The following SLC13A3 variants were observed in gnomAD, a reference collection of about 807,000 sequenced individuals.
SLC13A3 encodes Na(+)/dicarboxylate cotransporter 3.
In SLC13A3, 40 loss-of-function variants were observed where a neutral mutation model predicts 59.0. The ratio of observed to expected loss-of-function variants is 0.68; its 90% CI spans 0.53 to 0.88. The LOEUF is 0.88. SLC13A3 is among the 40% of genes least tolerant of loss of function. The pLI is 0.00. For missense variants in SLC13A3, 699 were observed against 783.2 expected, an observed-to-expected ratio of 0.89 and a Z score of 1.28; for synonymous variants, 317 against 330.3, an observed-to-expected ratio of 0.96 and a Z score of 0.44.
intron 1 of SLC13A3, among the ~76,000 whole-genome samples, chr20:46,624,815 G>T (rs535482984): frequency 6.6e-6 from 1 of 152,282 alleles, no homozygotes; most frequent in South Asian, 2.1e-4. Context: ...TCTGAAGTGA[G>T]AATTTCAGCC....
chr20:46,657,513 T>C (rs2063002600), intron 1 of SLC13A3, among the ~76,000 whole-genome samples: 1 of 152,174 alleles, frequency 6.6e-6, no homozygotes, highest in South Asian at 2.1e-4. Context: ...CTTCTTTCAG[T>C]GCTCTTGCAA....
At chr20:46,634,869 C>G (rs1316594318) in intron 1 of SLC13A3, among the ~76,000 whole-genome samples, 1 of 152,188 alleles carries the variant, frequency 6.6e-6, no homozygotes, top group African/African-American at 2.4e-5. Flanking sequence ...CATCTCCCAT[C>G]ATGGAGCGGC....
At chr20:46,644,661 A>G (rs1375119144) in intron 1 of SLC13A3, among the ~76,000 whole-genome samples, 1 of 152,190 alleles carries the variant, frequency 6.6e-6, no homozygotes, top group Non-Finnish European at 1.5e-5. Flanking sequence ...TTCCTGCATC[A>G]CACTGCTCAT....
At chr20:46,579,940 CCTTGCCACGAGACTGAGGCA>C (rs2062118410) in intron 9 of SLC13A3, among the ~76,000 whole-genome samples, 1 of 152,052 alleles carries the variant, frequency 6.6e-6, no homozygotes, top group African/African-American at 2.4e-5. Flanking sequence ...ACAGACCCTG[CCTTGCCACGAGACTGAGGCA>C]CTCATCACTA....
chr20:46,633,827 T>C (rs2062768710), intron 1 of SLC13A3, among the ~76,000 whole-genome samples: 1 of 152,242 alleles, frequency 6.6e-6, no homozygotes, highest in Non-Finnish European at 1.5e-5. Flanking sequence ...AACTATCGAT[T>C]GAGGGCTTAC....
intron 7 of SLC13A3, among the ~76,000 whole-genome samples, chr20:46,588,598 C>T (rs1448400700): frequency 6.6e-6 from 1 of 152,062 alleles, no homozygotes; most frequent in Non-Finnish European, 1.5e-5. Context: ...AGTCTGTCTA[C>T]ACCGAAAGGA....
chr20:46,656,085 T>G (rs1051228552), upstream of SLC13A3, among the ~76,000 whole-genome samples: 8 of 137,796 alleles, frequency 5.8e-5, no homozygotes, highest in Non-Finnish European at 1.1e-4. Flanking sequence ...TACATATATA[T>G]TATATATACT....
chr20:46,612,020 T>C (rs984032100), intron 2 of SLC13A3, among the ~76,000 whole-genome samples: 5 of 151,986 alleles, frequency 3.3e-5, no homozygotes, highest in African/African-American at 4.8e-5. Context: ...GTATGAGCAG[T>C]GCCTGAGGCT....
At chr20:46,580,600 A>T (rs1243924498) in intron 9 of SLC13A3, among the ~76,000 whole-genome samples, 1 of 152,128 alleles carries the variant, frequency 6.6e-6, no homozygotes, top group African/African-American at 2.4e-5. Flanking sequence ...CAGAGGTGGA[A>T]GGCATCTAAG....
chr20:46,608,163 C>T (rs1188770318), intron 3 of SLC13A3, among the ~76,000 whole-genome samples: 1 of 152,150 alleles, frequency 6.6e-6, no homozygotes, highest in Non-Finnish European at 1.5e-5. Flanking sequence ...TATGCAGCCC[C>T]AATCCAGCCC....
At chr20:46,617,430 C>T (rs2122764401) in intron 1 of SLC13A3, among the ~76,000 whole-genome samples, 1 of 152,118 alleles carries the variant, frequency 6.6e-6, no homozygotes, top group East Asian at 1.9e-4. Flanking sequence ...TCAAGTCCAG[C>T]CTGGGCAACA....
At chr20:46,681,448 AAGGAGGG>A (rs1408475688) in intron 1 of SLC13A3, among the ~76,000 whole-genome samples, 8 of 151,818 alleles carry the variant, frequency 5.3e-5, no homozygotes, top group Admixed American at 6.6e-5. Flanking sequence ...GAAAGAGGGG[AAGGAGGG>A]AGGAGGGAGG....
At chr20:46,674,602 C>CATGTGTGT (rs2063112433), upstream of SLC13A3, among the ~76,000 whole-genome samples, 2 of 114,414 alleles carry the variant, frequency 1.7e-5, no homozygotes, top group Admixed American at 9.0e-5. Context: ...CGCGCGCGCG[C>CATGTGTGT]GCGTGTGTGT....
At chr20:46,592,686 G>A (rs890438353) in intron 5 of SLC13A3, among the ~76,000 whole-genome samples, 157 bp from the exon 6 acceptor site, 5 of 152,324 alleles carry the variant, frequency 3.3e-5, no homozygotes, top group Middle Eastern at 3.4e-3. Flanking sequence ...TCTAATAGAA[G>A]CACCCTTTTT....
At chr20:46,582,435 ATT>A (rs3092446) in intron 9 of SLC13A3, among the ~76,000 whole-genome samples, 103 of 131,038 alleles carry the variant, frequency 7.9e-4, no homozygotes, top group African/African-American at 2.2e-3. Context: ...GCCTGCTACA[ATT>A]TTTTTTTTTT....
chr20:46,646,035 G>A (rs796166503), intron 1 of SLC13A3, among the ~76,000 whole-genome samples: 22 of 152,254 alleles, frequency 1.4e-4, no homozygotes, highest in Admixed American at 3.9e-4. Context: ...TCCATTCTGG[G>A]GTGCATGGGG....
chr20:46,589,058 C>T (rs780469252), intron 7 of SLC13A3, 102 bp downstream of exon 7: 51 of 980,276 alleles, frequency 5.2e-5, no homozygotes, highest in Non-Finnish European at 7.6e-5. Context: ...TCCTGGAATT[C>T]CCCTGGAGCT....
chr20:46,676,815 G>A (rs577048804), intron 1 of SLC13A3, among the ~76,000 whole-genome samples: 2 of 152,362 alleles, frequency 1.3e-5, no homozygotes, highest in East Asian at 3.9e-4. Flanking sequence ...GACGGCAGAA[G>A]TGGGGAGAAC....
At chr20:46,584,703 C>T (rs990761251) in intron 8 of SLC13A3, among the ~76,000 whole-genome samples, 10 of 152,192 alleles carry the variant, frequency 6.6e-5, no homozygotes, top group African/African-American at 2.4e-4. Context: ...ACCAGTTTAA[C>T]CTCCTGGGGC....
Sources: gnomAD v4.1 joint callset for allele counts (sites outside exome capture counted in the v4.1 genomes callset) on GRCh38, gnomAD v4.1.1 for gene constraint, MANE v1.5 for transcripts, NCBI Gene and HGNC (gene_info 2026-07-23, HGNC 2026-07-21) for gene names.